Variants in CYP4V2 observed in about 807,000 individuals in gnomAD.
CYP4V2 encodes the protein cytochrome P450 family 4 subfamily V member 2.
A neutral mutation model predicts 60.8 loss-of-function variants in CYP4V2; 55 were observed. The observed-to-expected ratio is 0.90, with a 90% CI of 0.73 to 1.13. The LOEUF (loss-of-function observed/expected upper bound fraction) is 1.13. CYP4V2 is among the 50% of genes most tolerant of loss of function. CYP4V2 has a pLI of 0.00. For synonymous variants in CYP4V2, 239 were observed against 236.8 expected (o/e 1.01, Z -0.08); for missense variants, 675 against 662.9 (o/e 1.02, Z -0.20).
Position 186,208,909 on chromosome 4 carries a change from C to A in CYP4V2, c.1135C>A (p.Arg379=). Residue 379 remains arginine (R), a synonymous_variant, in exon 9 of 11, where the codon CGG becomes AGG. Transcript: ENST00000378802. ...TACAGTAGAAGACCTGAAGAAACTT[C>A]GGTATCTGGAATGTGTTATTAAGGA... is the stretch of plus-strand genomic sequence containing the variant. ...PATVEDLKKL[R]YLECVIKETL... 1 of 1,614,200 alleles carries A rather than the reference C, an allele frequency of 6.2e-7. No homozygotes were observed. Among genetic ancestry groups the A allele is most frequent in the Non-Finnish European group, 8.5e-7 (1 of 1,180,034 alleles).
intron 1 of CYP4V2, chr4:186,192,482 C>T (rs1736020452): frequency 1.2e-5 from 4 of 323,910 alleles, no homozygotes; most frequent in Middle Eastern, 6.7e-4. Flanking sequence ...TGGACGCTTC[C>T]TCCCGGCATC....
intron 8 of CYP4V2, among the ~76,000 whole-genome samples, chr4:186,205,908 C>T (rs886522622): frequency 2.6e-5 from 4 of 152,098 alleles, no homozygotes; most frequent in Admixed American, 6.5e-5. Context: ...GTGGGGGTAC[C>T]GGGTGTGTTG....
chr4:186,194,370 C>G (rs1286730233), intron 1 of CYP4V2, 130 bp from the exon 2 acceptor site: 1 of 789,702 alleles, frequency 1.3e-6, no homozygotes, highest in Non-Finnish European at 2.1e-6. Flanking sequence ...ATGCTCTCTA[C>G]CTGGCTTCCT....
At chr4:186,203,954 T>C (rs185249685) in intron 7 of CYP4V2, 30 of 152,370 alleles carry the variant, frequency 2.0e-4, no homozygotes, top group Admixed American at 1.8e-3. Flanking sequence ...GTGAGATCTT[T>C]TATAGAGGAA....
In CYP4V2 at chr4:186,194,572, C is replaced by T. The variant is rs2126582164; in HGVS notation, c.287C>T (p.Pro96Leu). 6.2e-7 allele frequency: 1 copy of T among 1,614,174 alleles called. No individual in the cohort carries two copies. The highest frequency in any genetic ancestry group is 1.1e-5 in the South Asian group (1 of 91,080). ...CCGCTGCTGAAGCTCTGGGTCGGGCCAGTGCCCATGGTGGCCCTTTATAAT... is the reference window on the plus strand; with the variant it reads ...CCGCTGCTGAAGCTCTGGGTCGGGCTAGTGCCCATGGTGGCCCTTTATAAT... ...HMPLLKLWVG[P>L]VPMVALYNAE... The change falls in exon 2 of 11, where the codon CCA (proline) becomes CTA (leucine). Residue 96 changes from proline (P) to leucine (L), a missense_variant. Physicochemically the swap from Pro to Leu is moderately conservative, Grantham distance 98. Coordinates refer to ENST00000378802, the MANE Select transcript of CYP4V2 (RefSeq NM_207352.4).
intron 8 of CYP4V2, among the ~76,000 whole-genome samples, chr4:186,205,844 C>T (rs1448324048): frequency 6.6e-6 from 1 of 152,182 alleles, no homozygotes; most frequent in Non-Finnish European, 1.5e-5. Context: ...CTTTTGTCCT[C>T]ATGATTGACG....
In CYP4V2 at chr4:186,198,946, C is replaced by G. The variant is rs374715498; in HGVS notation, c.675-11C>G. 2 of 1,613,808 alleles carry G rather than the reference C, an allele frequency of 1.2e-6. No individual in the cohort carries two copies. Among genetic ancestry groups the G allele is most frequent in the Non-Finnish European group, 1.7e-6 (2 of 1,179,948 alleles). The stretch of plus-strand genomic sequence containing the variant: ...GATACAACAGCTGATGTATTTTTAT[C>G]CCATTTATAGAATGAGTGAGATGAT... On this transcript the variant is annotated splice_polypyrimidine_tract_variant and intron_variant, in intron 5 of 10. Coordinates refer to ENST00000378802, the MANE Select transcript of CYP4V2 (RefSeq NM_207352.4).
At chr4:186,198,075 C>T (rs987540240) in intron 5 of CYP4V2, among the ~76,000 whole-genome samples, 7 of 152,120 alleles carry the variant, frequency 4.6e-5, no homozygotes, top group African/African-American at 9.7e-5. Flanking sequence ...TTTTAGTCAT[C>T]GAAACAGTCA....
rs774674046 is a variant in CYP4V2, at chr4:186,198,958, ATGAG to A, written c.681_684del (p.Ser227ArgfsTer2). 6.2e-7 allele frequency: 1 copy of A among 1,613,924 alleles called. No homozygotes were observed. Among genetic ancestry groups the A allele is most frequent in the Non-Finnish European group, 8.5e-7 (1 of 1,179,982 alleles). ...GATGTATTTTTATCCCATTTATAGAATGAGTGAGATGATATTTCGAAGAATAAAG... is the reference window on the plus strand; with the variant it reads ...GATGTATTTTTATCCCATTTATAGAATGAGATGATATTTCGAAGAATAAAG... On this transcript the variant is annotated frameshift_variant and splice_region_variant, in exon 6 of 11. Transcript: ENST00000378802. LOFTEE classifies it high-confidence loss of function.
At chr4:186,197,215 A>C in intron 4 of CYP4V2, 85 bp downstream of exon 4, 1 of 1,497,654 alleles carries the variant, frequency 6.7e-7, no homozygotes, top group Non-Finnish European at 9.2e-7. Context: ...GGGAAGGCAA[A>C]TGGGGGGACG....
chr4:186,204,152 C>G (rs975338577), intron 7 of CYP4V2: 4 of 157,206 alleles, frequency 2.5e-5, no homozygotes, highest in African/African-American at 7.3e-5. Context: ...GAAGGTTGCC[C>G]GAGACATTAC....
In CYP4V2 at chr4:186,209,260, A is replaced by G. The variant is rs144109267; in HGVS notation, c.1393A>G (p.Arg465Gly). Reference sequence around the variant, plus strand: ...CTACGTGCCCTTCTCTGCTGGCCCCAGGAACTGTATAGGTTTGTATCCATC... The same window carrying G: ...CTACGTGCCCTTCTCTGCTGGCCCCGGGAACTGTATAGGTTTGTATCCATC... ...YAYVPFSAGP[R>G]NCIGQKFAVM... The change falls in exon 10 of 11, where the codon AGG (arginine) becomes GGG (glycine). Residue 465 changes from arginine (R) to glycine (G), a missense_variant. By Grantham distance (125) the Arg-to-Gly change is moderately radical (BLOSUM62 -2). Coordinates refer to ENST00000378802, the MANE Select transcript of CYP4V2 (RefSeq NM_207352.4). The G allele has an allele frequency of 2.2e-5, 35 of 1,613,660 alleles. No individual in the cohort carries two copies. Among genetic ancestry groups the G allele is most frequent in the Non-Finnish European group, 2.6e-5 (31 of 1,179,976 alleles).
rs1013362757 is a variant in CYP4V2 at position 186,210,858 on chromosome 4, G to A, written c.*217G>A. Reference sequence around the variant, plus strand: ...TTCTTTATTTTTTTTTTTTGAAACCGTGTCTCACTCTGTCGCCCAGGCTGG... The same window carrying A: ...TTCTTTATTTTTTTTTTTTGAAACCATGTCTCACTCTGTCGCCCAGGCTGG... On this transcript the variant is annotated 3_prime_UTR_variant, in exon 11 of 11. Coordinates refer to ENST00000378802, the MANE Select transcript of CYP4V2 (RefSeq NM_207352.4). The A allele has an allele frequency of 3.2e-5, 17 of 526,214 alleles. No homozygotes were observed. Among genetic ancestry groups the A allele is most frequent in the African/African-American group, 7.9e-5 (4 of 50,370 alleles). 32.6% of individuals were successfully genotyped at this position (526,214 alleles called of 1,614,324 possible).
rs889941184 is a variant in CYP4V2, at chr4:186,197,216, TGGG to T, written c.604+90_604+92del. The T allele has an allele frequency of 2.7e-6, 4 of 1,492,148 alleles. No homozygotes were observed. The Admixed American group carries it at 6.7e-5, about 25-fold the overall frequency. The allele number at this position is 1,492,148 out of a possible 1,614,324, so 92.4% of individuals were successfully genotyped here. ...AATCACACTCCACCGGGAAGGCAAA[TGGG>T]GGGACGGGAAAGGGTGACGGGCTCT... On this transcript the variant is annotated intron_variant, in intron 4 of 10. Transcript: ENST00000378802.
intron 10 of CYP4V2, 72 bp downstream of exon 10, chr4:186,209,344 G>A (rs1736637462): frequency 6.3e-7 from 1 of 1,588,306 alleles, no homozygotes; most frequent in African/African-American, 1.3e-5. Flanking sequence ...TGATTTCTTT[G>A]AGATGTGATG....
chr4:186,209,394 G>A (rs1736638545), intron 10 of CYP4V2, 122 bp downstream of exon 10: 2 of 1,262,228 alleles, frequency 1.6e-6, no homozygotes, highest in Admixed American at 3.7e-5. Flanking sequence ...AAAAAAATAG[G>A]TGGTTTCTTT....
intron 10 of CYP4V2, among the ~76,000 whole-genome samples, chr4:186,209,538 T>C (rs1197984648): frequency 6.6e-6 from 1 of 152,174 alleles, no homozygotes; most frequent in Non-Finnish European, 1.5e-5. Context: ...TTTCTCACAG[T>C]TCTGGAGGCT....
rs1736232656 is a variant in CYP4V2 at position 186,199,010 on chromosome 4, T to G, written c.728T>G (p.Leu243Arg). Residue 243 changes from leucine to arginine, a missense_variant, in exon 6 of 11, where the codon CTC becomes CGC. Physicochemically the swap from Leu to Arg is moderately radical, Grantham distance 102 (BLOSUM62 -2). Coordinates refer to ENST00000378802, the MANE Select transcript of CYP4V2 (RefSeq NM_207352.4). The part of the protein sequence containing the change: ...RIKMPWLWLD[L>R]WYLMFKEGWE... ...AAGATGCCCTGGCTTTGGCTTGATC[T>G]CTGGTACCTTATGTTTAAAGAAGGA... is the stretch of plus-strand genomic sequence containing the variant. The G allele has an allele frequency of 6.2e-7, 1 of 1,614,150 alleles. No homozygotes were observed. The highest frequency in any genetic ancestry group is 8.5e-7 in the Non-Finnish European group (1 of 1,180,002).
At chr4:186,204,324 G>A (rs1402093792) in intron 7 of CYP4V2, 1 of 154,628 alleles carries the variant, frequency 6.5e-6, no homozygotes, top group African/African-American at 2.6e-5. Context: ...GAGACGCTAC[G>A]CTGGCGTAAG....
Sources: allele counts gnomAD v4.1 joint callset (sites outside exome capture counted in the v4.1 genomes callset), GRCh38; gene constraint gnomAD v4.1.1; transcripts MANE v1.5; gene names NCBI Gene and HGNC (gene_info 2026-07-23, HGNC 2026-07-21).